Variants in COL25A1 observed in about 807,000 individuals in gnomAD.
COL25A1 encodes the protein collagen type XXV alpha 1 chain.
COL25A1 carries 103 observed loss-of-function variants against 128.4 expected under a neutral mutation model. The ratio of observed to expected loss-of-function variants is 0.80; its 90% CI spans 0.68 to 0.94. The LOEUF (loss-of-function observed/expected upper bound fraction) is 0.94, where lower values mean the gene tolerates loss of function less well. Ranked by LOEUF, COL25A1 falls within the 40% of genes least tolerant of loss-of-function variation. The pLI, the probability that COL25A1 is intolerant of heterozygous loss-of-function variation, is 0.00. For missense variants in COL25A1, 745 were observed against 840.0 expected (o/e 0.89, Z 1.40); for synonymous variants, 279 against 277.2 (o/e 1.01, Z -0.06).
chr4:109,265,367 C>T (rs1376620849), intron 3 of COL25A1, among the ~76,000 whole-genome samples: 1 of 152,188 alleles, frequency 6.6e-6, no homozygotes, highest in African/African-American at 2.4e-5. Flanking sequence ...AACAGCATTA[C>T]TTCCTCCAAA....
At chr4:109,181,325 C>T (rs1210477230) in intron 3 of COL25A1, among the ~76,000 whole-genome samples, 1 of 152,042 alleles carries the variant, frequency 6.6e-6, no homozygotes, top group Non-Finnish European at 1.5e-5. Context: ...GACCAGAGTT[C>T]CATCCATAGA....
chr4:108,937,973 T>C lies in COL25A1; in HGVS notation c.673-130A>G, dbSNP rs1352210410. On this transcript the variant is annotated intron_variant, in intron 10 of 37. Coordinates refer to ENST00000399132, the MANE Select transcript of COL25A1 (RefSeq NM_198721.4). Reference sequence around the variant, plus strand: ...TTTCTTCAGGTTAAATAGAGGAATGTAGCACATTAAAAGAGAGCTAATTTC... The same window carrying C: ...TTTCTTCAGGTTAAATAGAGGAATGCAGCACATTAAAAGAGAGCTAATTTC... 4 of 666,914 alleles carry C rather than the reference T, an allele frequency of 6.0e-6. No individual in the cohort carries two copies. The African/African-American group carries it at 7.4e-5, about 12-fold the overall frequency. The allele number at this position is 666,914 out of a possible 1,614,324, so 41.3% of individuals were successfully genotyped here. A position where few individuals can be genotyped will look rare whatever the true frequency, so the allele number is the denominator to read the frequency against.
At chr4:109,169,133 C>T (rs1217035790) in intron 3 of COL25A1, among the ~76,000 whole-genome samples, 2 of 152,184 alleles carry the variant, frequency 1.3e-5, no homozygotes, top group African/African-American at 2.4e-5. Flanking sequence ...CCCCAAACTA[C>T]GTCTCTAGCC....
At chr4:108,945,379 A>G (rs934494396) in intron 8 of COL25A1, among the ~76,000 whole-genome samples, 3 of 152,214 alleles carry the variant, frequency 2.0e-5, no homozygotes, top group Admixed American at 6.5e-5. Context: ...ACCTATCTTC[A>G]GTACAGGTGT....
intron 3 of COL25A1, among the ~76,000 whole-genome samples, chr4:109,095,405 TG>T (rs1271938999): frequency 6.6e-6 from 1 of 152,224 alleles, no homozygotes; most frequent in East Asian, 1.9e-4. Context: ...GTAAAAACTT[TG>T]GGAAACTCAT....
chr4:109,246,677 T>C (rs1234571129), intron 3 of COL25A1, among the ~76,000 whole-genome samples: 1 of 152,168 alleles, frequency 6.6e-6, no homozygotes, highest in East Asian at 1.9e-4. Flanking sequence ...TTGACTCTAC[T>C]ATGATCATTT....
intron 16 of COL25A1, among the ~76,000 whole-genome samples, chr4:108,894,355 T>C (rs1268199880): frequency 6.6e-6 from 1 of 152,170 alleles, no homozygotes; most frequent in Non-Finnish European, 1.5e-5. Context: ...AGACGTAGTA[T>C]AAATTTTTTT....
intron 20 of COL25A1, among the ~76,000 whole-genome samples, chr4:108,868,846 TA>T (rs1385415215): frequency 2.1e-5 from 2 of 96,760 alleles, no homozygotes; most frequent in Non-Finnish European, 4.0e-5. Flanking sequence ...GGAAGGAAGA[TA>T]GGAAGGAAAG....
At chr4:108,980,001 T>C (rs1246714041) in intron 6 of COL25A1, among the ~76,000 whole-genome samples, 2 of 152,044 alleles carry the variant, frequency 1.3e-5, no homozygotes, top group African/African-American at 4.8e-5. Context: ...ACATGCCCAG[T>C]TGTGAGAAAA....
At chr4:109,288,591 A>G (rs1490459620) in intron 3 of COL25A1, among the ~76,000 whole-genome samples, 1 of 152,104 alleles carries the variant, frequency 6.6e-6, no homozygotes, top group Non-Finnish European at 1.5e-5. Flanking sequence ...AACTGCCTGT[A>G]CATAATTTTC....
chr4:109,102,594 T>C (rs1766001599), intron 3 of COL25A1, among the ~76,000 whole-genome samples: 1 of 152,158 alleles, frequency 6.6e-6, no homozygotes, highest in African/African-American at 2.4e-5. Flanking sequence ...AAAAAGGATG[T>C]TGAGATCTCT....
chr4:109,240,796 G>T (rs537612568), intron 3 of COL25A1, among the ~76,000 whole-genome samples: 16 of 152,168 alleles, frequency 1.1e-4, no homozygotes, highest in Admixed American at 4.6e-4. Flanking sequence ...GTCACTGAAA[G>T]AATTGAATGA....
chr4:108,831,682 GA>G lies in COL25A1; in HGVS notation c.1710+697del, dbSNP rs373900161. Among the ~76,000 whole-genome samples, 443 of 98,406 alleles carry G rather than the reference GA, an allele frequency of 4.5e-3. 1 individual carries two copies. Among genetic ancestry groups the G allele is most frequent in the African/African-American group, 0.016 (378 of 23,768 alleles). 64.6% of individuals were successfully genotyped at this position (98,406 alleles called of 152,430 possible). A position where few individuals can be genotyped will look rare whatever the true frequency, so the allele number is the denominator to read the frequency against. ...AGTGGGAGAAAAACAGAAAGAGAGA[GA>G]GGGGGAGAGAGAGAGAGAGAGAGAG... On this transcript the variant is annotated intron_variant, in intron 32 of 37. Coordinates refer to ENST00000399132, the MANE Select transcript of COL25A1 (RefSeq NM_198721.4).
chr4:108,893,698 A>AT (rs1288621728), intron 16 of COL25A1, among the ~76,000 whole-genome samples: 1 of 152,202 alleles, frequency 6.6e-6, no homozygotes, highest in African/African-American at 2.4e-5. Flanking sequence ...GAAAAGAAGG[A>AT]TTTTTTAAAA....
rs3108949 is a variant in COL25A1, at chr4:109,115,756, C to T, written c.368-65577G>A. Among the ~76,000 whole-genome samples the T allele has an allele frequency of 3.6e-3, 548 of 152,032 alleles. 2 individuals carry two copies. The highest frequency in any genetic ancestry group is 0.013 in the African/African-American group (523 of 41,494). On this transcript the variant is annotated intron_variant, in intron 3 of 37. Coordinates refer to ENST00000399132, the MANE Select transcript of COL25A1 (RefSeq NM_198721.4). ...CAGATGCATCAAGAAAGCAATAGTT[C>T]CCAAATACTAGTTCCCAAACTATCA...
At chr4:108,943,136 T>G (rs547099160) in intron 8 of COL25A1, among the ~76,000 whole-genome samples, 19 of 152,310 alleles carry the variant, frequency 1.2e-4, no homozygotes, top group Admixed American at 1.0e-3. Flanking sequence ...CAATGGGATC[T>G]GTGTCTACAC....
chr4:109,007,010 G>A (rs1026393616), intron 6 of COL25A1, among the ~76,000 whole-genome samples: 14 of 152,208 alleles, frequency 9.2e-5, no homozygotes, highest in African/African-American at 2.6e-4. Context: ...CATGACACAC[G>A]TTTACCTGTG....
chr4:109,025,938 T>C (rs1454209837), intron 5 of COL25A1, among the ~76,000 whole-genome samples: 1 of 152,114 alleles, frequency 6.6e-6, no homozygotes, highest in African/African-American at 2.4e-5. Flanking sequence ...TGGGTTTATT[T>C]GACTTGGACC....
At chr4:109,143,903 G>A (rs774250702) in intron 3 of COL25A1, among the ~76,000 whole-genome samples, 13 of 152,130 alleles carry the variant, frequency 8.5e-5, no homozygotes, top group South Asian at 2.1e-4. Flanking sequence ...TGGTCAATTC[G>A]TCAAACTCAT....
Sources: allele counts gnomAD v4.1 joint callset (sites outside exome capture counted in the v4.1 genomes callset), GRCh38; gene constraint gnomAD v4.1.1; transcripts MANE v1.5; gene names NCBI Gene and HGNC (gene_info 2026-07-23, HGNC 2026-07-21).